The following NAALADL2 variants were observed in gnomAD, a reference collection of about 807,000 sequenced individuals.
NAALADL2 encodes N-acetylated alpha-linked acidic dipeptidase like 2, also known as inactive N-acetylated-alpha-linked acidic dipeptidase-like protein 2.
A neutral mutation model predicts 87.2 loss-of-function variants in NAALADL2; 76 were observed. That is an observed-to-expected ratio of 0.87 (90% CI 0.72 to 1.05). The LOEUF is 1.05. Among genes scored for constraint, NAALADL2 ranks in the 50% least tolerant of loss-of-function variants. The pLI, the probability that NAALADL2 is intolerant of heterozygous loss-of-function variation, is 0.00. For synonymous variants in NAALADL2, 354 were observed against 331.0 expected (o/e 1.07, Z -0.75); for missense variants, 1,089 against 945.8 (o/e 1.15, Z -1.99).
chr3:175,234,496 CT>C lies in NAALADL2; in HGVS notation c.819+295del, dbSNP rs576999851. Among the ~76,000 whole-genome samples, 46 of 152,180 alleles carry C rather than the reference CT, an allele frequency of 3.0e-4. No homozygotes were observed. In the South Asian group the frequency reaches 5.8e-3, roughly 19 times the overall value. On this transcript the variant is annotated intron_variant, in intron 3 of 13. Transcript: ENST00000454872. ...AGTGCAAGTCTATTTCATTCTACAGCTTTGGAGAGGCAAAATTTAATACACT... is the reference window on the plus strand; with the variant it reads ...AGTGCAAGTCTATTTCATTCTACAGCTTGGAGAGGCAAAATTTAATACACT...
intron 5 of NAALADL2, among the ~76,000 whole-genome samples, chr3:175,446,223 A>G (rs1171701359): frequency 8.3e-6 from 1 of 121,208 alleles, no homozygotes; most frequent in Admixed American, 1.1e-4. Flanking sequence ...TGAGGAGTCC[A>G]GGCAATCATG....
At chr3:175,275,958 A>G (rs939123422) in intron 4 of NAALADL2, among the ~76,000 whole-genome samples, 6 of 151,602 alleles carry the variant, frequency 4.0e-5, no homozygotes, top group Non-Finnish European at 8.8e-5. Context: ...TTACACCACC[A>G]TGGCACTTTC....
chr3:174,838,181 G>C (rs1579143557), intron 3 of NAALADL2, among the ~76,000 whole-genome samples: 1 of 151,962 alleles, frequency 6.6e-6, no homozygotes, highest in East Asian at 1.9e-4. Flanking sequence ...ATGCAGGGAT[G>C]GTTTAACATA....
chr3:174,577,168 C>T (rs530949704), intron 2 of NAALADL2, among the ~76,000 whole-genome samples: 3 of 152,094 alleles, frequency 2.0e-5, no homozygotes, highest in Non-Finnish European at 4.4e-5. Flanking sequence ...ATATATAACA[C>T]ATTTGATGCA....
intron 5 of NAALADL2, among the ~76,000 whole-genome samples, chr3:175,337,738 C>T (rs1762138557): frequency 6.6e-6 from 1 of 152,124 alleles, no homozygotes; most frequent in South Asian, 2.1e-4. Flanking sequence ...GCTTCTTTGA[C>T]TTTATCATAT....
intron 1 of NAALADL2, among the ~76,000 whole-genome samples, chr3:174,924,890 A>T (rs1735762325): frequency 6.6e-6 from 1 of 152,086 alleles, no homozygotes; most frequent in African/African-American, 2.4e-5. Flanking sequence ...GTCTGTTCAT[A>T]TCCTTTGCCC....
chr3:174,808,632 T>G (rs1719784994), intron 3 of NAALADL2, among the ~76,000 whole-genome samples: 1 of 152,186 alleles, frequency 6.6e-6, no homozygotes, highest in Non-Finnish European at 1.5e-5. Flanking sequence ...CCACTAATTT[T>G]AATACCTTTA....
chr3:175,720,650 TA>T (rs947912452), intron 11 of NAALADL2, among the ~76,000 whole-genome samples: 44 of 150,966 alleles, frequency 2.9e-4, no homozygotes, highest in African/African-American at 7.8e-4. Context: ...AACCCACATC[TA>T]AAAAAAAATT....
chr3:175,286,867 G>A (rs1435926905), intron 4 of NAALADL2, among the ~76,000 whole-genome samples: 10 of 152,010 alleles, frequency 6.6e-5, no homozygotes, highest in Non-Finnish European at 1.5e-5. Flanking sequence ...CACAGTGGGA[G>A]AATGGCTCGA....
At chr3:175,037,937 A>G (rs1437123226) in intron 1 of NAALADL2, among the ~76,000 whole-genome samples, 1 of 152,086 alleles carries the variant, frequency 6.6e-6, no homozygotes, top group Non-Finnish European at 1.5e-5. Flanking sequence ...GGGAAAACCA[A>G]AGGAAGGGAG....
intron 11 of NAALADL2, among the ~76,000 whole-genome samples, chr3:175,706,814 A>G (rs1739792718): frequency 6.6e-6 from 1 of 152,126 alleles, no homozygotes; most frequent in South Asian, 2.1e-4. Flanking sequence ...AGCCTTGTCT[A>G]GTCACCTTCA....
intron 1 of NAALADL2, among the ~76,000 whole-genome samples, chr3:175,094,564 A>T (rs1423183576): frequency 6.6e-6 from 1 of 151,736 alleles, no homozygotes; most frequent in African/African-American, 2.4e-5. Context: ...TCTTGATTTG[A>T]CCAAAGACAG....
intron 1 of NAALADL2, among the ~76,000 whole-genome samples, chr3:174,971,297 T>C (rs1743607189): frequency 6.6e-6 from 1 of 152,166 alleles, no homozygotes; most frequent in South Asian, 2.1e-4. Flanking sequence ...CCAGAAGATA[T>C]TGTGGATTGG....
chr3:175,715,418 A>C (rs1434918497), intron 11 of NAALADL2, among the ~76,000 whole-genome samples: 1 of 152,206 alleles, frequency 6.6e-6, no homozygotes, highest in Non-Finnish European at 1.5e-5. Context: ...ATATATGCAT[A>C]GTAAATACCA....
At chr3:174,855,899 CAT>C (rs1433047567), upstream of NAALADL2, among the ~76,000 whole-genome samples, 11 of 141,072 alleles carry the variant, frequency 7.8e-5, no homozygotes, top group African/African-American at 2.9e-4. Context: ...TATATATACA[CAT>C]AGATATGAAT....
Position 175,628,989 on chromosome 3 carries a change from A to G in NAALADL2, c.1896+1603A>G, listed in dbSNP as rs1020364881. The stretch of plus-strand genomic sequence containing the variant: ...GGCAAAATCACCTAACAGGAAGCCT[A>G]TCCCAGTTCTTTATTTAGCTTTTAG... On this transcript the variant is annotated intron_variant, in intron 11 of 13. Transcript: ENST00000454872. Among the ~76,000 whole-genome samples the G allele has an allele frequency of 2.7e-5, 4 of 150,938 alleles. No homozygotes were observed. The Admixed American group carries it at 2.7e-4, about 10-fold the overall frequency.
At chr3:174,510,885 T>G (rs1408867615) in intron 1 of NAALADL2, among the ~76,000 whole-genome samples, 1 of 151,972 alleles carries the variant, frequency 6.6e-6, no homozygotes, top group Non-Finnish European at 1.5e-5. Flanking sequence ...CCATAAATTG[T>G]GACATGACGT....
intron 2 of NAALADL2, among the ~76,000 whole-genome samples, chr3:175,101,614 C>A (rs1315526871): frequency 6.6e-6 from 1 of 152,200 alleles, no homozygotes; most frequent in African/African-American, 2.4e-5. Flanking sequence ...ACTTTTGCAT[C>A]AACCTAATAA....
chr3:174,813,595 T>G (rs1311049356), intron 3 of NAALADL2, among the ~76,000 whole-genome samples: 1 of 152,230 alleles, frequency 6.6e-6, no homozygotes, highest in Non-Finnish European at 1.5e-5. Flanking sequence ...AAGTACCTAA[T>G]GAAGAGTTTC....
Sources: gnomAD v4.1 joint callset for allele counts (sites outside exome capture counted in the v4.1 genomes callset) on GRCh38, gnomAD v4.1.1 for gene constraint, MANE v1.5 for transcripts, NCBI Gene and HGNC (gene_info 2026-07-23, HGNC 2026-07-21) for gene names.